Variants in CAMK1 observed in about 807,000 individuals in gnomAD.
CAMK1 encodes calcium/calmodulin dependent protein kinase I, also known as calcium/calmodulin-dependent protein kinase type 1.
Under a neutral mutation model 49.1 loss-of-function variants are expected in CAMK1, and 39 were observed. The ratio of observed to expected loss-of-function variants is 0.79; its 90% confidence interval spans 0.62 to 1.04. CAMK1 has a LOEUF of 1.04. Ranked by LOEUF, CAMK1 falls within the 50% of genes least tolerant of loss-of-function variation. The pLI is 0.00. For synonymous variants in CAMK1, 192 were observed against 185.2 expected (o/e 1.04, Z -0.30); for missense variants, 457 against 472.2 (o/e 0.97, Z 0.30).
intron 8 of CAMK1, 128 bp from the exon 9 acceptor site, chr3:9,759,878 A>G (rs1575224968): frequency 1.3e-6 from 2 of 1,482,190 alleles, no homozygotes; most frequent in East Asian, 4.7e-5. Context: ...TCCATGCCCC[A>G]CCCCACCCAA....
In CAMK1 at chr3:9,761,472, G is replaced by C. The variant is rs56203420; in HGVS notation, c.621C>G (p.Ile207Met). 2 of 1,612,178 alleles carry C rather than the reference G, an allele frequency of 1.2e-6. No individual in the cohort carries two copies. The highest frequency in any genetic ancestry group is 2.2e-5 in the East Asian group (1 of 44,834). ...CAAGCCCCACTTACAAGATGTAGGC[G>C]ATGACACCTATGGACCAGCAATCCA... ...KAVDCWSIGV[I>M]AYILLCGYPP... The change falls in exon 7 of 12, where the codon ATC becomes ATG. Residue 207 changes from isoleucine (I) to methionine (M), a missense_variant. By Grantham distance (10) the Ile-to-Met change is conservative. Transcript: ENST00000256460.
At chr3:9,762,840 A>T in intron 5 of CAMK1, 74 bp downstream of exon 5, 2 of 1,502,880 alleles carry the variant, frequency 1.3e-6, no homozygotes, top group Admixed American at 1.8e-5. Context: ...AAGTTGCCCA[A>T]GGTCAGACAG....
intron 9 of CAMK1, 47 bp from the exon 10 acceptor site, chr3:9,759,622 C>T (rs755257698): frequency 3.1e-6 from 5 of 1,614,100 alleles, no homozygotes; most frequent in East Asian, 2.2e-5. Flanking sequence ...CAGAAGCAGA[C>T]CTGAGGGCCC....
At chr3:9,767,374 G>A (rs1418235336) in intron 2 of CAMK1, among the ~76,000 whole-genome samples, 1 of 152,218 alleles carries the variant, frequency 6.6e-6, no homozygotes, top group Non-Finnish European at 1.5e-5. Context: ...TCCAGCCTCA[G>A]TTCCCAAACC....
At chr3:9,765,287 T>C (rs1196250341) in intron 3 of CAMK1, among the ~76,000 whole-genome samples, 1 of 151,712 alleles carries the variant, frequency 6.6e-6, no homozygotes. Flanking sequence ...AGATTGGAAG[T>C]GATTCTCTGT....
chr3:9,757,347 T>C lies in CAMK1; in HGVS notation c.*192A>G, dbSNP rs1462637128. The C allele has an allele frequency of 6.2e-7, 1 of 1,614,082 alleles. No individual in the cohort carries two copies. Among genetic ancestry groups the C allele is most frequent in the South Asian group, 1.1e-5 (1 of 91,082 alleles). ...ATATTGAGGGAGACAGCGCTAAGGA[T>C]GGTTTTATCTTCCCTTTATTACAAG... On this transcript the variant is annotated 3_prime_UTR_variant, in exon 12 of 12. Transcript: ENST00000256460. The surrounding 1 kb of genome is among the most constrained non-coding windows in gnomAD (Gnocchi z 4.5).
intron 10 of CAMK1, 44 bp downstream of exon 10, chr3:9,759,444 G>A (rs760975814): frequency 1.2e-6 from 2 of 1,612,952 alleles, no homozygotes; most frequent in African/African-American, 2.7e-5. Flanking sequence ...GGATGGGGAG[G>A]AGTCCTGGGG....
Position 9,760,701 on chromosome 3 carries a change from C to T in CAMK1, c.700G>A (p.Glu234Lys), listed in dbSNP as rs747165508. 1.1e-5 allele frequency: 17 copies of T among 1,613,962 alleles called. No individual in the cohort carries two copies. The highest frequency in any genetic ancestry group is 1.0e-4 in the Admixed American group (6 of 59,990). Residue 234 changes from glutamate to lysine, a missense_variant, in exon 8 of 12, where the codon GAG becomes AAG. Transcript: ENST00000256460. ...AKLFEQILKA[E>K]YEFDSPYWDD... ...CAGTAAGGAGAGTCAAACTCGTACT[C>T]GGCCTTCAAAATCTGTTCAAAGAGT...
At chr3:9,768,687 C>T (rs1419811642) in intron 1 of CAMK1, among the ~76,000 whole-genome samples, 1 of 152,208 alleles carries the variant, frequency 6.6e-6, no homozygotes, top group Non-Finnish European at 1.5e-5. Context: ...AACACAGCCT[C>T]CCAACCCATC....
chr3:9,761,076 C>G, intron 7 of CAMK1: 1 of 372,120 alleles, frequency 2.7e-6, no homozygotes, highest in Non-Finnish European at 5.0e-6. Context: ...CGAGCCCTTC[C>G]CTGACCTCCC....
intron 2 of CAMK1, chr3:9,766,449 T>A: frequency 2.4e-6 from 1 of 420,236 alleles, no homozygotes. Flanking sequence ...TTTTTAGAAA[T>A]GCAAAATCTC....
At position 9,763,125 on chromosome 3, in the gene CAMK1, G is replaced by A. The variant is rs1179388521; in HGVS notation, c.290+14C>T. ...GGAGAGGTGTGGGGGCAGGGCAGAG[G>A]TTGGGCCACTCACAGCTGCATGATG... On this transcript the variant is annotated intron_variant, in intron 4 of 11. Transcript: ENST00000256460. 1 of 1,614,154 alleles carries A rather than the reference G, an allele frequency of 6.2e-7. No homozygotes were observed. The highest frequency in any genetic ancestry group is 1.3e-5 in the African/African-American group (1 of 75,040).
At chr3:9,766,529 A>G (rs2078158752) in intron 2 of CAMK1, 2 of 479,814 alleles carry the variant, frequency 4.2e-6, no homozygotes, top group Non-Finnish European at 6.6e-6. Context: ...CCTGCCCCAG[A>G]TTTACTAAAT....
intron 7 of CAMK1, 177 bp from the exon 8 acceptor site, chr3:9,760,945 G>A (rs989898186): frequency 5.7e-5 from 55 of 972,792 alleles, no homozygotes; most frequent in Admixed American, 8.4e-5. Flanking sequence ...TCTGTTCCTT[G>A]TATGTGCCGC....
chr3:9,767,815 A>T (rs1035498295), intron 1 of CAMK1, 34 bp from the exon 2 acceptor site: 10 of 1,593,344 alleles, frequency 6.3e-6, no homozygotes, highest in Non-Finnish European at 8.6e-6. Flanking sequence ...GACTCAGCAG[A>T]GCCCAGCCCT....
At chr3:9,761,323 A>C in intron 7 of CAMK1, 138 bp downstream of exon 7, 2 of 828,714 alleles carry the variant, frequency 2.4e-6, no homozygotes, top group Non-Finnish European at 3.8e-6. Context: ...GAATGAAGTA[A>C]TACTGGTAAT....
At position 9,767,714 on chromosome 3, in the gene CAMK1, C is replaced by T. The variant is rs143334693; in HGVS notation, c.36G>A (p.Gln12=). Residue 12 remains glutamine, a synonymous_variant, in exon 2 of 12, where the codon CAG becomes CAA. Transcript: ENST00000256460. ...CGTAGATGTCTCTAATGTCCTCCGC[C>T]TGCTTCCACCTGGGGCCTTCCACTG... ...LGAVEGPRWK[Q]AEDIRDIYDF... is the part of the protein sequence containing the mutation. 278 of 1,614,206 alleles carry T rather than the reference C, an allele frequency of 1.7e-4. No homozygotes were observed. The highest frequency in any genetic ancestry group is 2.2e-4 in the Non-Finnish European group (263 of 1,180,030).
chr3:9,757,640 C>T lies in CAMK1; in HGVS notation c.1031-19G>A, dbSNP rs775393584. 6.2e-7 allele frequency: 1 copy of T among 1,614,134 alleles called. No homozygotes were observed. The highest frequency in any genetic ancestry group is 2.2e-5 in the East Asian group (1 of 44,882). On this transcript the variant is annotated intron_variant, in intron 11 of 11. Coordinates refer to ENST00000256460, the MANE Select transcript of CAMK1 (RefSeq NM_003656.5). This position sits in a 1 kb window ranked among gnomAD's most constrained non-coding sequence, Gnocchi z 4.5. ...GCCGGCCCTGCATGGGAAGACAGAACAGAGGTGGCCGCAGGGGCAGGCCCT... is the reference window on the plus strand; with the variant it reads ...GCCGGCCCTGCATGGGAAGACAGAATAGAGGTGGCCGCAGGGGCAGGCCCT...
chr3:9,759,963 C>T lies in CAMK1; in HGVS notation c.746-213G>A, dbSNP rs1363074041. ...TTTCTCTCTTAAGAAAAACATATGG[C>T]CGGGCACAGTGGCTCATGTCTGTAA... On this transcript the variant is annotated intron_variant, in intron 8 of 11. Transcript: ENST00000256460. 8.0e-6 allele frequency: 5 copies of T among 628,504 alleles called. No individual in the cohort carries two copies. The East Asian group carries it at 1.6e-4, about 20-fold the overall frequency. The allele number at this position is 628,504 out of a possible 1,614,324, so 38.9% of individuals were successfully genotyped here.
Sources: allele counts gnomAD v4.1 joint callset (sites outside exome capture counted in the v4.1 genomes callset), GRCh38; gene constraint gnomAD v4.1.1; non-coding constraint Gnocchi (gnomAD v3.1); transcripts MANE v1.5; gene names NCBI Gene and HGNC (gene_info 2026-07-23, HGNC 2026-07-21).